The following CSMD1 variants were observed in gnomAD, a reference collection of about 807,000 sequenced individuals.
CSMD1 encodes the protein CUB and Sushi multiple domains 1.
A neutral mutation model predicts 417.5 loss-of-function variants in CSMD1; 213 were observed. That is an observed-to-expected ratio of 0.51 (90% CI 0.46 to 0.57). CSMD1 has a LOEUF of 0.57. CSMD1 is among the 20% of genes least tolerant of loss of function. The pLI, the probability that CSMD1 is intolerant of heterozygous loss-of-function variation, is 0.00. For synonymous variants in CSMD1, 2,862 were observed against 1,736.8 expected (o/e 1.65, Z -16.11); for missense variants, 6,923 against 4,529.7 (o/e 1.53, Z -15.17).
chr8:4,937,162 C>G (rs923110624), intron 1 of CSMD1, among the ~76,000 whole-genome samples: 5 of 152,108 alleles, frequency 3.3e-5, no homozygotes, highest in African/African-American at 1.2e-4. Context: ...GCAGTGAGCT[C>G]TGATCCTGAG....
At chr8:3,451,011 C>G (rs1260277105) in intron 12 of CSMD1, among the ~76,000 whole-genome samples, 1 of 152,206 alleles carries the variant, frequency 6.6e-6, no homozygotes, top group African/African-American at 2.4e-5. Context: ...GCCATTCTAA[C>G]TGGTGTGAGA....
intron 57 of CSMD1, 64 bp downstream of exon 57, chr8:2,973,053 C>A: frequency 6.7e-7 from 1 of 1,495,814 alleles, no homozygotes; most frequent in South Asian, 1.2e-5. Context: ...TTTTGCCAGG[C>A]ATTTTAGAAC....
chr8:4,202,982 A>C (rs192410794), intron 3 of CSMD1, among the ~76,000 whole-genome samples: 1 of 152,138 alleles, frequency 6.6e-6, no homozygotes, highest in African/African-American at 2.4e-5. Flanking sequence ...CCTCCACCAA[A>C]GATGTCTGCA....
intron 3 of CSMD1, among the ~76,000 whole-genome samples, chr8:4,393,813 T>G (rs1804022655): frequency 6.6e-6 from 1 of 152,206 alleles, no homozygotes; most frequent in African/African-American, 2.4e-5. Context: ...TGCCATATTT[T>G]CCTATGTTTC....
intron 10 of CSMD1, among the ~76,000 whole-genome samples, chr8:3,572,257 T>G (rs1799975821): frequency 6.6e-6 from 1 of 152,178 alleles, no homozygotes; most frequent in South Asian, 2.1e-4. Context: ...AGAAGACTCC[T>G]GCAGGCTTTG....
chr8:3,821,955 C>T (rs966895416), intron 5 of CSMD1, among the ~76,000 whole-genome samples: 4 of 152,102 alleles, frequency 2.6e-5, no homozygotes, highest in African/African-American at 9.7e-5. Flanking sequence ...CATTTCCAGG[C>T]CCTTCTCTCA....
intron 1 of CSMD1, among the ~76,000 whole-genome samples, chr8:4,642,493 T>C (rs937122007): frequency 1.3e-5 from 2 of 152,192 alleles, no homozygotes; most frequent in Non-Finnish European, 2.9e-5. Flanking sequence ...AGATGATTCA[T>C]CTGTGATCCA....
In CSMD1 at chr8:4,702,975, G is replaced by C. The variant is rs1260028744; in HGVS notation, c.86-65417C>G. Among the ~76,000 whole-genome samples, 3 of 151,942 alleles carry C rather than the reference G, an allele frequency of 2.0e-5. No homozygotes were observed. In the East Asian group the frequency reaches 5.8e-4, roughly 29 times the overall value. On this transcript the variant is annotated intron_variant, in intron 1 of 69. Transcript: ENST00000635120. ...TCTCAAAATATACTTTTAAAAGTAGGTACTCTCAAAAAAGAATGATTATTT... is the reference window on the plus strand; with the variant it reads ...TCTCAAAATATACTTTTAAAAGTAGCTACTCTCAAAAAAGAATGATTATTT...
intron 37 of CSMD1, among the ~76,000 whole-genome samples, chr8:3,163,989 G>T (rs1023602983): frequency 7.9e-5 from 12 of 152,186 alleles, no homozygotes; most frequent in African/African-American, 2.7e-4. Flanking sequence ...CCACTGCCTG[G>T]ATGATGGAGC....
intron 3 of CSMD1, among the ~76,000 whole-genome samples, chr8:4,324,900 C>G (rs1035461087): frequency 6.6e-6 from 1 of 152,224 alleles, no homozygotes; most frequent in African/African-American, 2.4e-5. Context: ...CACTCTGAGT[C>G]CTGAGTTGAT....
At chr8:3,897,596 T>G (rs1807450948) in intron 5 of CSMD1, among the ~76,000 whole-genome samples, 1 of 152,160 alleles carries the variant, frequency 6.6e-6, no homozygotes, top group Admixed American at 6.6e-5. Context: ...GCTATGCATT[T>G]TAAGTAACCC....
chr8:4,499,485 T>C (rs895119834), intron 2 of CSMD1, among the ~76,000 whole-genome samples: 3 of 152,302 alleles, frequency 2.0e-5, no homozygotes, highest in Non-Finnish European at 4.4e-5. Context: ...GCTTGGTAAA[T>C]TGCAAGAACC....
chr8:3,411,051 C>T (rs536882833), intron 12 of CSMD1, among the ~76,000 whole-genome samples: 11 of 152,270 alleles, frequency 7.2e-5, no homozygotes, highest in African/African-American at 2.6e-4. Context: ...TGGTTTGGAG[C>T]AGAAGGGAGG....
Position 4,510,046 on chromosome 8 carries a change from T to C in CSMD1, c.303-89981A>G, listed in dbSNP as rs554971360. 1.1e-4 allele frequency among the ~76,000 whole-genome samples: 16 copies of C among 152,216 alleles called. 1 individual carries two copies. The highest frequency in any genetic ancestry group is 6.2e-4 in the South Asian group (3 of 4,822). On this transcript the variant is annotated intron_variant, in intron 2 of 69. Transcript: ENST00000635120. ...AGGGACCCGGTGGGAGGTAACTCAA[T>C]CTTGGGGGTAGGTCTTTCTCATCCT...
intron 5 of CSMD1, among the ~76,000 whole-genome samples, chr8:3,822,265 G>C (rs1188536759): frequency 6.6e-6 from 1 of 152,120 alleles, no homozygotes; most frequent in African/African-American, 2.4e-5. Context: ...ATCCCTTAAA[G>C]AGACATTTAC....
intron 1 of CSMD1, among the ~76,000 whole-genome samples, chr8:4,886,730 T>A (rs571465941): frequency 6.6e-6 from 1 of 152,188 alleles, no homozygotes; most frequent in East Asian, 1.9e-4. Context: ...TGGTACTCGG[T>A]GTCTTCTTTC....
At chr8:4,974,283 C>T (rs1486507486) in intron 1 of CSMD1, among the ~76,000 whole-genome samples, 1 of 152,016 alleles carries the variant, frequency 6.6e-6, no homozygotes. Context: ...GTCTCCACCT[C>T]CCAAAGTGCT....
chr8:4,309,322 A>G (rs2128877855), intron 3 of CSMD1, among the ~76,000 whole-genome samples: 1 of 152,304 alleles, frequency 6.6e-6, no homozygotes, highest in South Asian at 2.1e-4. Flanking sequence ...ATGTTATTTT[A>G]TAAAATGAGA....
chr8:4,112,182 T>C lies in CSMD1; in HGVS notation c.416-80083A>G, dbSNP rs372332042. The stretch of plus-strand genomic sequence containing the variant: ...AAAGAGCTGGGCAGTCTATAGCTGC[T>C]GAGCCATAATTATCAAGAACCAGTA... On this transcript the variant is annotated intron_variant, in intron 3 of 69. Transcript: ENST00000635120. 8.5e-5 allele frequency among the ~76,000 whole-genome samples: 13 copies of C among 152,312 alleles called. No homozygotes were observed. In the South Asian group the frequency reaches 1.5e-3, roughly 17 times the overall value.
Sources: gnomAD v4.1 joint callset for allele counts (sites outside exome capture counted in the v4.1 genomes callset) on GRCh38, gnomAD v4.1.1 for gene constraint, MANE v1.5 for transcripts, NCBI Gene and HGNC (gene_info 2026-07-23, HGNC 2026-07-21) for gene names.